The following PTPRD variants were observed in gnomAD, a reference collection of about 807,000 sequenced individuals.
PTPRD encodes the protein protein tyrosine phosphatase receptor type D, also known as receptor-type tyrosine-protein phosphatase delta.
PTPRD carries 34 observed loss-of-function variants against 214.5 expected under a neutral mutation model. That is an observed-to-expected ratio of 0.16 (90% confidence interval 0.12 to 0.21). The LOEUF is 0.21. Ranked by LOEUF, PTPRD falls within the 10% of genes least tolerant of loss-of-function variation. The probability of loss-of-function intolerance (pLI) is 1.00; values close to 1 mark genes in which losing one functional copy is unlikely to be tolerated. For synonymous variants in PTPRD, 1,128 were observed against 845.7 expected, an observed-to-expected ratio of 1.33 and a Z score of -5.79; for missense variants, 2,545 against 2,398.7, an observed-to-expected ratio of 1.06 and a Z score of -1.27.
chr9:9,936,207 C>T (rs1031798140), intron 5 of PTPRD, among the ~76,000 whole-genome samples: 7 of 148,868 alleles, frequency 4.7e-5, no homozygotes, highest in Non-Finnish European at 1.0e-4. Flanking sequence ...GCAATGGCAA[C>T]AAAAGCCAAA....
At chr9:9,067,662 G>C (rs1478634498) in intron 10 of PTPRD, among the ~76,000 whole-genome samples, 1 of 152,020 alleles carries the variant, frequency 6.6e-6, no homozygotes, top group East Asian at 1.9e-4. Flanking sequence ...TTATAATATA[G>C]ATTTGCATAT....
intron 11 of PTPRD, among the ~76,000 whole-genome samples, chr9:9,009,797 G>T (rs1018296662): frequency 1.3e-4 from 20 of 151,998 alleles, no homozygotes; most frequent in Middle Eastern, 6.8e-3. Context: ...CACATAACGA[G>T]TATAAGGACA....
At position 8,820,580 on chromosome 9, in the gene PTPRD, T is replaced by C. The variant is rs140243491; in HGVS notation, c.-103-86634A>G. Among the ~76,000 whole-genome samples the C allele has an allele frequency of 8.4e-3, 1,285 of 152,320 alleles. 22 individuals carry two copies. Among genetic ancestry groups the C allele is most frequent in the African/African-American group, 0.029 (1,211 of 41,584 alleles). On this transcript the variant is annotated intron_variant, in intron 11 of 45. Coordinates refer to ENST00000381196, the MANE Select transcript of PTPRD (RefSeq NM_002839.4). ...TATCAAGGTTAAGGATACATTTTTA[T>C]GTTTTTAGTTTTGAAAGTTCAACTC...
chr9:10,228,033 G>A (rs1196488020), intron 3 of PTPRD, among the ~76,000 whole-genome samples: 1 of 151,818 alleles, frequency 6.6e-6, no homozygotes, highest in African/African-American at 2.4e-5. Context: ...AATATAGGTG[G>A]TCATTTGTTA....
chr9:9,154,228 T>C (rs1156348633), intron 10 of PTPRD, among the ~76,000 whole-genome samples: 1 of 152,196 alleles, frequency 6.6e-6, no homozygotes, highest in Non-Finnish European at 1.5e-5. Context: ...GAAAAAAATA[T>C]GTTTATAGTA....
intron 5 of PTPRD, among the ~76,000 whole-genome samples, chr9:9,877,640 C>G (rs187083300): frequency 6.6e-6 from 1 of 151,882 alleles, no homozygotes; most frequent in Non-Finnish European, 1.5e-5. Flanking sequence ...TCTAGATCAC[C>G]AAGATAGGAA....
At chr9:9,469,756 C>G (rs925577636) in intron 8 of PTPRD, among the ~76,000 whole-genome samples, 3 of 152,030 alleles carry the variant, frequency 2.0e-5, no homozygotes, top group Non-Finnish European at 4.4e-5. Flanking sequence ...CCTGGGCTTC[C>G]TAAGGGAAGT....
intron 11 of PTPRD, among the ~76,000 whole-genome samples, chr9:8,840,940 G>A (rs1028991506): frequency 2.0e-5 from 3 of 152,154 alleles, no homozygotes; most frequent in African/African-American, 7.2e-5. Context: ...TCAGTGTCAT[G>A]TGTGAATCAC....
chr9:9,158,164 T>C (rs1396519928), intron 10 of PTPRD, among the ~76,000 whole-genome samples: 1 of 152,204 alleles, frequency 6.6e-6, no homozygotes, highest in Non-Finnish European at 1.5e-5. Context: ...TTGTAAATAG[T>C]GCTGCAGTGA....
intron 11 of PTPRD, among the ~76,000 whole-genome samples, chr9:8,863,584 T>C (rs1374923036): frequency 6.6e-6 from 1 of 152,236 alleles, no homozygotes; most frequent in Non-Finnish European, 1.5e-5. Context: ...TGGATTTCAG[T>C]GTTTCCTAAC....
intron 11 of PTPRD, among the ~76,000 whole-genome samples, chr9:8,989,564 C>A (rs746983579): frequency 9.9e-5 from 15 of 152,028 alleles, no homozygotes; most frequent in Non-Finnish European, 1.6e-4. Context: ...GAATAATATT[C>A]CATTGTGTAT....
intron 9 of PTPRD, among the ~76,000 whole-genome samples, chr9:9,233,426 C>T (rs530756895): frequency 3.7e-4 from 56 of 152,212 alleles, no homozygotes; most frequent in Admixed American, 1.6e-3. Context: ...GTGGTGACAC[C>T]GAGCCAAACC....
chr9:10,151,679 C>A (rs997534817), intron 3 of PTPRD, among the ~76,000 whole-genome samples: 2 of 152,204 alleles, frequency 1.3e-5, no homozygotes, highest in East Asian at 3.9e-4. Flanking sequence ...TGAACGACCA[C>A]CACCACAATC....
chr9:8,842,619 CTCTG>C (rs1166989486), intron 11 of PTPRD, among the ~76,000 whole-genome samples: 3 of 152,048 alleles, frequency 2.0e-5, no homozygotes, highest in Non-Finnish European at 4.4e-5. Flanking sequence ...GTCTCTACTA[CTCTG>C]TCTCTCATTC....
chr9:9,116,692 G>A (rs1166032948), intron 10 of PTPRD, among the ~76,000 whole-genome samples: 1 of 151,540 alleles, frequency 6.6e-6, no homozygotes, highest in African/African-American at 2.4e-5. Context: ...TTCTTGGGGG[G>A]GAAGGGAAAG....
chr9:10,225,831 T>C (rs1594747756), intron 3 of PTPRD, among the ~76,000 whole-genome samples: 1 of 152,062 alleles, frequency 6.6e-6, no homozygotes. Context: ...TTAAGGTGTA[T>C]TGGAATAAGA....
intron 10 of PTPRD, among the ~76,000 whole-genome samples, chr9:9,051,624 A>G (rs181257333): frequency 5.3e-5 from 8 of 152,288 alleles, no homozygotes; most frequent in Admixed American, 2.0e-4. Flanking sequence ...TGCCTAAGCC[A>G]TTTAGAAAGC....
intron 13 of PTPRD, among the ~76,000 whole-genome samples, chr9:8,634,391 C>T (rs763518943): frequency 8.6e-5 from 13 of 151,850 alleles, no homozygotes; most frequent in Non-Finnish European, 1.9e-4. Context: ...TCCCATGTGC[C>T]TAAATTATGA....
At chr9:8,462,416 C>T (rs183227792) in intron 32 of PTPRD, among the ~76,000 whole-genome samples, 31 of 152,154 alleles carry the variant, frequency 2.0e-4, no homozygotes, top group Admixed American at 1.4e-3. Flanking sequence ...GTCTCCACTG[C>T]TGCTAGAGGT....
Sources: gnomAD v4.1 joint callset for allele counts (sites outside exome capture counted in the v4.1 genomes callset) on GRCh38, gnomAD v4.1.1 for gene constraint, MANE v1.5 for transcripts, NCBI Gene and HGNC (gene_info 2026-07-23, HGNC 2026-07-21) for gene names.